Variants in APAF1 observed in about 807,000 individuals in gnomAD.
APAF1 encodes the protein apoptotic peptidase activating factor 1, also known as apoptotic protease-activating factor 1.
APAF1 carries 91 observed loss-of-function variants against 152.4 expected under a neutral mutation model. The ratio of observed to expected loss-of-function variants is 0.60; its 90% CI spans 0.50 to 0.71. APAF1 has a LOEUF of 0.71. Among genes scored for constraint, APAF1 ranks in the 30% least tolerant of loss-of-function variants. The pLI, the probability that APAF1 is intolerant of heterozygous loss-of-function variation, is 0.00. For synonymous variants in APAF1, 484 were observed against 494.1 expected (o/e 0.98, Z 0.27); for missense variants, 1,283 against 1,472.0 (o/e 0.87, Z 2.10).
At chr12:98,655,418 G>A (rs1420750635) in intron 4 of APAF1, among the ~76,000 whole-genome samples, 6 of 147,414 alleles carry the variant, frequency 4.1e-5, no homozygotes, top group Non-Finnish European at 6.0e-5. Context: ...GGGCAGAGGC[G>A]CCCCTCACCT....
chr12:98,688,888 C>T (rs940917862), intron 16 of APAF1, among the ~76,000 whole-genome samples: 1 of 151,572 alleles, frequency 6.6e-6, no homozygotes, highest in African/African-American at 2.4e-5. Context: ...GATCCTGGCC[C>T]ACCACAGTCT....
At chr12:98,686,623 G>C (rs1222193978) in intron 15 of APAF1, 125 bp from the exon 16 acceptor site, 1 of 947,526 alleles carries the variant, frequency 1.1e-6, no homozygotes, top group East Asian at 2.7e-5. Flanking sequence ...TTGTGTTACT[G>C]TGAATTAAAC....
intron 22 of APAF1, among the ~76,000 whole-genome samples, chr12:98,721,124 G>A (rs1477615207): frequency 6.6e-6 from 1 of 152,194 alleles, no homozygotes; most frequent in Non-Finnish European, 1.5e-5. Flanking sequence ...GGTGGTGGAA[G>A]TTTAGTGATA....
At chr12:98,713,717 G>A (rs984790930) in intron 21 of APAF1, among the ~76,000 whole-genome samples, 1 of 152,068 alleles carries the variant, frequency 6.6e-6, no homozygotes, top group East Asian at 1.9e-4. Context: ...TTCTCACCAG[G>A]TGTCTGGGAA....
intron 4 of APAF1, among the ~76,000 whole-genome samples, chr12:98,654,271 G>A (rs917818077): frequency 1.3e-5 from 2 of 152,072 alleles, no homozygotes; most frequent in Admixed American, 1.3e-4. Context: ...GTATTTAAAT[G>A]CCCTAAATTT....
chr12:98,665,438 G>T, intron 7 of APAF1, 115 bp from the exon 8 acceptor site: 1 of 795,232 alleles, frequency 1.3e-6, no homozygotes, highest in South Asian at 1.4e-5. Flanking sequence ...AATACTTAAG[G>T]CTTTTGATAA....
At position 98,662,363 on chromosome 12, in the gene APAF1, T is replaced by A. The variant is rs2097666626; in HGVS notation, c.711-93T>A. 5.4e-6 allele frequency: 5 copies of A among 933,810 alleles called. No homozygotes were observed. In the Admixed American group the frequency reaches 1.1e-4, roughly 20 times the overall value. 57.8% of individuals were successfully genotyped at this position (933,810 alleles called of 1,614,324 possible). On this transcript the variant is annotated intron_variant, in intron 5 of 26. Coordinates refer to ENST00000551964, the MANE Select transcript of APAF1 (RefSeq NM_181861.2). ...TATTTGTTTTAAAAAAAATTTAATTTGGTAGATTTTAAAAGACACTGGTGG... is the reference window on the plus strand; with the variant it reads ...TATTTGTTTTAAAAAAAATTTAATTAGGTAGATTTTAAAAGACACTGGTGG...
Position 98,666,342 on chromosome 12 carries a change from T to C in APAF1, c.1347T>C (p.Asn449=). The C allele has an allele frequency of 1.2e-6, 2 of 1,613,016 alleles. No individual in the cohort carries two copies. Among genetic ancestry groups the C allele is most frequent in the South Asian group, 2.2e-5 (2 of 90,556 alleles). The stretch of plus-strand genomic sequence containing the variant: ...AAGTAGATTTTCTTACAGAGAAGAA[T>C]TGCAGCCAGCTTCAGGTACTTGCAT... ...DLQVDFLTEK[N]CSQLQDLHKK... The change falls in exon 9 of 27, where the codon AAT becomes AAC. Residue 449 remains asparagine, a synonymous_variant. Coordinates refer to ENST00000551964, the MANE Select transcript of APAF1 (RefSeq NM_181861.2).
chr12:98,715,369 G>A (rs2097733581), intron 21 of APAF1, 58 bp from the exon 22 acceptor site: 1 of 1,559,488 alleles, frequency 6.4e-7, no homozygotes, highest in Non-Finnish European at 8.8e-7. Flanking sequence ...TCTTTGGGGT[G>A]TAATGCCTAT....
intron 25 of APAF1, among the ~76,000 whole-genome samples, 175 bp downstream of exon 25, chr12:98,725,715 A>AACGG (rs1400655423): frequency 6.6e-6 from 1 of 152,178 alleles, no homozygotes; most frequent in Non-Finnish European, 1.5e-5. Flanking sequence ...CCACTGCAGA[A>AACGG]ACGGATTCAT....
intron 4 of APAF1, among the ~76,000 whole-genome samples, chr12:98,655,403 C>A (rs1311642602): frequency 1.3e-5 from 2 of 151,360 alleles, no homozygotes; most frequent in African/African-American, 4.9e-5. Context: ...CCAGTAGGGG[C>A]GGCCGGGCAG....
At chr12:98,732,084 C>T (rs897545206) in intron 26 of APAF1, among the ~76,000 whole-genome samples, 7 of 152,052 alleles carry the variant, frequency 4.6e-5, no homozygotes, top group Non-Finnish European at 8.8e-5. Flanking sequence ...CCCATTCTCC[C>T]GAGAAGGACA....
intron 16 of APAF1, among the ~76,000 whole-genome samples, chr12:98,689,230 C>T (rs138085252): frequency 6.6e-6 from 1 of 152,288 alleles, no homozygotes; most frequent in African/African-American, 2.4e-5. Flanking sequence ...CCTTTCCTGT[C>T]AAGTTTGTTT....
chr12:98,665,846 A>G, intron 8 of APAF1, 55 bp downstream of exon 8: 2 of 1,399,630 alleles, frequency 1.4e-6, no homozygotes, highest in Non-Finnish European at 2.0e-6. Flanking sequence ...AAGCTTTGAT[A>G]TAGTACTGAG....
intron 14 of APAF1, among the ~76,000 whole-genome samples, chr12:98,681,541 A>C (rs1415933774): frequency 1.3e-5 from 2 of 152,138 alleles, no homozygotes; most frequent in Non-Finnish European, 2.9e-5. Flanking sequence ...GGAGTACTGG[A>C]TGTAGCTAGG....
At chr12:98,649,986 C>A (rs1251367406) in intron 4 of APAF1, among the ~76,000 whole-genome samples, 2 of 152,068 alleles carry the variant, frequency 1.3e-5, no homozygotes, top group Non-Finnish European at 2.9e-5. Flanking sequence ...GAAGGGCATA[C>A]TGGGTAGAAG....
chr12:98,720,827 C>T (rs1183797834), intron 22 of APAF1, among the ~76,000 whole-genome samples: 3 of 152,018 alleles, frequency 2.0e-5, no homozygotes, highest in African/African-American at 4.8e-5. Context: ...ATTAGCCAGG[C>T]GTGGTGACAG....
At chr12:98,648,028 A>C (rs764992089) in intron 1 of APAF1, among the ~76,000 whole-genome samples, 2 of 152,150 alleles carry the variant, frequency 1.3e-5, no homozygotes, top group African/African-American at 2.4e-5. Context: ...GTCTCCTTGA[A>C]GTAAATCCTT....
chr12:98,727,644 T>TA (rs1476502686), intron 26 of APAF1, among the ~76,000 whole-genome samples: 1 of 151,220 alleles, frequency 6.6e-6, no homozygotes, highest in Non-Finnish European at 1.5e-5. Flanking sequence ...GAAAAAACTT[T>TA]AAAAAATAAT....
Sources: gnomAD v4.1 joint callset for allele counts (sites outside exome capture counted in the v4.1 genomes callset) on GRCh38, gnomAD v4.1.1 for gene constraint, MANE v1.5 for transcripts, NCBI Gene and HGNC (gene_info 2026-07-23, HGNC 2026-07-21) for gene names.